MOCOS: variants seen among roughly 807,000 people sequenced by gnomAD.
MOCOS encodes the protein human molybdenum cofactor sulfurase.
A neutral mutation model predicts 83.6 loss-of-function variants in MOCOS; 86 were observed. The ratio of observed to expected loss-of-function variants is 1.03; its 90% CI spans 0.86 to 1.23. The LOEUF is 1.23. Among genes scored for constraint, MOCOS ranks in the 50% most tolerant of loss-of-function variants. The pLI is 0.00. For missense variants in MOCOS, 1,120 were observed against 1,126.9 expected (o/e 0.99, Z 0.09); for synonymous variants, 445 against 434.7 (o/e 1.02, Z -0.29).
intron 4 of MOCOS, among the ~76,000 whole-genome samples, chr18:36,201,663 C>CAAA (rs200846253): frequency 2.7e-4 from 19 of 69,452 alleles, no homozygotes; most frequent in African/African-American, 4.9e-4. Context: ...ACTCCATCTC[C>CAAA]AAAAAAAAAA....
intron 9 of MOCOS, among the ~76,000 whole-genome samples, chr18:36,227,607 G>T (rs1661190610): frequency 6.6e-6 from 1 of 152,046 alleles, no homozygotes; most frequent in Non-Finnish European, 1.5e-5. Flanking sequence ...CGTTGGCCAG[G>T]CTGGTCCTGA....
intron 9 of MOCOS, among the ~76,000 whole-genome samples, chr18:36,235,555 A>C (rs2091554849): frequency 8.3e-6 from 1 of 119,958 alleles, no homozygotes; most frequent in Non-Finnish European, 1.7e-5. Flanking sequence ...GGTTGGTTCC[A>C]AGTCTTTGCT....
intron 3 of MOCOS, 84 bp downstream of exon 3, chr18:36,198,840 T>C (rs1285027481): frequency 2.0e-6 from 3 of 1,463,856 alleles, no homozygotes; most frequent in Non-Finnish European, 1.9e-6. Flanking sequence ...CCCACAAAAG[T>C]TCTGAGTTGG....
intron 9 of MOCOS, among the ~76,000 whole-genome samples, chr18:36,239,452 A>G (rs1342847811): frequency 8.6e-5 from 13 of 151,220 alleles, no homozygotes; most frequent in East Asian, 5.8e-4. Context: ...TAAGAATGTT[A>G]AATATTGGCC....
At chr18:36,253,154 G>A (rs960525209) in intron 11 of MOCOS, among the ~76,000 whole-genome samples, 5 of 152,202 alleles carry the variant, frequency 3.3e-5, no homozygotes, top group African/African-American at 1.2e-4. Context: ...AGCACCCATT[G>A]CCTACCTGGG....
chr18:36,257,646 T>C (rs564450947), intron 12 of MOCOS, among the ~76,000 whole-genome samples: 9 of 152,148 alleles, frequency 5.9e-5, no homozygotes, highest in Admixed American at 2.6e-4. Flanking sequence ...GGGCCAACCC[T>C]CTCGTTGTTC....
chr18:36,253,701 A>G (rs1444553141), intron 11 of MOCOS, among the ~76,000 whole-genome samples: 2 of 150,536 alleles, frequency 1.3e-5, no homozygotes, highest in East Asian at 3.9e-4. Flanking sequence ...TTTTTCAGGC[A>G]GTCACAGGCG....
At chr18:36,196,861 C>T (rs1390690055) in intron 2 of MOCOS, among the ~76,000 whole-genome samples, 1 of 151,898 alleles carries the variant, frequency 6.6e-6, no homozygotes, top group Non-Finnish European at 1.5e-5. Flanking sequence ...GGCCAGAAAT[C>T]CAGTGCAATC....
chr18:36,197,319 T>C (rs2091392644), intron 2 of MOCOS, among the ~76,000 whole-genome samples: 1 of 152,180 alleles, frequency 6.6e-6, no homozygotes, highest in East Asian at 1.9e-4. Flanking sequence ...CTGCATTCTC[T>C]GGAGTTAAAC....
rs367593572 is a variant in MOCOS, at chr18:36,215,068, G to A, written c.1336-448G>A. Among the ~76,000 whole-genome samples the A allele has an allele frequency of 1.8e-4, 27 of 152,320 alleles. No homozygotes were observed. The East Asian group carries it at 4.2e-3, about 24-fold the overall frequency. ...TCTCTGCCTTTCCCTGTTGTCAAGG[G>A]GCAGCTCTCAGGGATGCAGGCCTCC... On this transcript the variant is annotated intron_variant, in intron 7 of 14. Coordinates refer to ENST00000261326, the MANE Select transcript of MOCOS (RefSeq NM_017947.4).
intron 9 of MOCOS, among the ~76,000 whole-genome samples, chr18:36,230,330 C>T (rs1298682341): frequency 6.6e-6 from 1 of 152,070 alleles, no homozygotes; most frequent in African/African-American, 2.4e-5. Context: ...GGTGATCCAC[C>T]CACCTTGGTC....
intron 9 of MOCOS, among the ~76,000 whole-genome samples, chr18:36,242,008 G>T (rs564021572): frequency 4.6e-5 from 7 of 152,218 alleles, no homozygotes; most frequent in Non-Finnish European, 7.3e-5. Context: ...CCTCCGGGCC[G>T]TGATGAGAAG....
chr18:36,215,923 A>G lies in MOCOS; in HGVS notation c.1743A>G (p.Pro581=). The change falls in exon 8 of 15, where the codon CCA becomes CCG. Residue 581 remains proline, a synonymous_variant. Coordinates refer to ENST00000261326, the MANE Select transcript of MOCOS (RefSeq NM_017947.4). The part of the protein sequence containing the change: ...AAGVLEGALG[P]HVVTNLYLYP... ...GAGTCCTGGAGGGGGCCCTTGGGCC[A>G]CATGTTGTCACTAACCTTTATCTCT... The G allele has an allele frequency of 6.2e-7, 1 of 1,613,782 alleles. No homozygotes were observed. The highest frequency in any genetic ancestry group is 1.1e-5 in the South Asian group (1 of 91,086).
chr18:36,257,170 A>G, intron 12 of MOCOS, 97 bp downstream of exon 12: 1 of 1,086,366 alleles, frequency 9.2e-7, no homozygotes, highest in Non-Finnish European at 1.4e-6. Flanking sequence ...TCTGAGAGTC[A>G]TGAAGTTCAG....
At chr18:36,223,032 C>A (rs1347101517) in intron 9 of MOCOS, among the ~76,000 whole-genome samples, 1 of 152,224 alleles carries the variant, frequency 6.6e-6, no homozygotes, top group Non-Finnish European at 1.5e-5. Context: ...TTCTCCCATT[C>A]CACAGGTTGC....
At chr18:36,210,393 C>G (rs2091450211) in intron 6 of MOCOS, among the ~76,000 whole-genome samples, 1 of 152,100 alleles carries the variant, frequency 6.6e-6, no homozygotes, top group Non-Finnish European at 1.5e-5. Context: ...CCCCACTGCC[C>G]TCAGCTGTCA....
Position 36,187,637 on chromosome 18 carries a change from G to A in MOCOS, c.98G>A (p.Gly33Asp). 8.0e-7 allele frequency: 1 copy of A among 1,250,960 alleles called. No individual in the cohort carries two copies. 77.5% of individuals were successfully genotyped at this position (1,250,960 alleles called of 1,614,324 possible). ...CGGCTAGCCTACGGCTACGGCCCGG[G>A]CAGCCTGCGCGAGCTGCGGGCGCGC... ...APRLAYGYGP[G>D]SLRELRAREF... Residue 33 changes from glycine (G) to aspartate (D), a missense_variant, in exon 1 of 15, where the codon GGC (glycine) becomes GAC (aspartate). Physicochemically the swap from Gly to Asp is moderately conservative, Grantham distance 94. Transcript: ENST00000261326.
intron 13 of MOCOS, among the ~76,000 whole-genome samples, chr18:36,262,056 C>G (rs890161709): frequency 2.0e-5 from 3 of 152,122 alleles, no homozygotes; most frequent in African/African-American, 7.2e-5. Flanking sequence ...TCTGAGATGA[C>G]TTAGCAGGCT....
chr18:36,258,671 A>G (rs2091651489), intron 12 of MOCOS, among the ~76,000 whole-genome samples: 1 of 152,040 alleles, frequency 6.6e-6, no homozygotes, highest in Non-Finnish European at 1.5e-5. Flanking sequence ...ACACCAACTT[A>G]AGCAATTAAA....
Sources: gnomAD v4.1 joint callset for allele counts (sites outside exome capture counted in the v4.1 genomes callset) on GRCh38, gnomAD v4.1.1 for gene constraint, MANE v1.5 for transcripts, NCBI Gene and HGNC (gene_info 2026-07-23, HGNC 2026-07-21) for gene names.